Variants in HTR2A observed in about 807,000 individuals in gnomAD.
The protein encoded by HTR2A is 5-HT2 receptor.
A neutral mutation model predicts 31.0 loss-of-function variants in HTR2A; 14 were observed. The observed-to-expected ratio is 0.45, with a 90% confidence interval of 0.30 to 0.71. HTR2A has a LOEUF of 0.71. Ranked by LOEUF, HTR2A falls within the 30% of genes least tolerant of loss-of-function variation. The pLI, the probability that HTR2A is intolerant of heterozygous loss-of-function variation, is 0.09. For synonymous variants in HTR2A, 209 were observed against 225.2 expected (o/e 0.93, Z 0.64); for missense variants, 442 against 573.3 (o/e 0.77, Z 2.34).
chr13:46,845,036 G>A (rs1301917383), intron 3 of HTR2A, among the ~76,000 whole-genome samples: 1 of 151,682 alleles, frequency 6.6e-6, no homozygotes, highest in African/African-American at 2.4e-5. Flanking sequence ...TTTTTATTAT[G>A]GAAAATTTTA....
At chr13:46,854,352 T>C (rs1048944490) in intron 3 of HTR2A, 1 of 152,226 alleles carries the variant, frequency 6.6e-6, no homozygotes, top group Non-Finnish European at 1.5e-5. Flanking sequence ...TAAGCAGCAT[T>C]ACAAATAGCA....
At chr13:46,852,945 G>C (rs1950699316) in intron 3 of HTR2A, among the ~76,000 whole-genome samples, 1 of 150,536 alleles carries the variant, frequency 6.6e-6, no homozygotes, top group Non-Finnish European at 1.5e-5. Flanking sequence ...CTTAGGTCTT[G>C]TCTGTCCTAT....
intron 3 of HTR2A, among the ~76,000 whole-genome samples, chr13:46,887,832 C>T (rs1308574351): frequency 6.7e-6 from 1 of 149,984 alleles, no homozygotes; most frequent in Non-Finnish European, 1.5e-5. Flanking sequence ...TTTAACACTG[C>T]ATGTTCTCAC....
intron 3 of HTR2A, among the ~76,000 whole-genome samples, chr13:46,891,353 T>A (rs1165516361): frequency 6.6e-6 from 1 of 152,268 alleles, no homozygotes; most frequent in African/African-American, 2.4e-5. Flanking sequence ...CAGCTCATTT[T>A]GCTTTTTGAA....
At chr13:46,840,070 T>C (rs892918010) in intron 3 of HTR2A, among the ~76,000 whole-genome samples, 17 of 152,182 alleles carry the variant, frequency 1.1e-4, no homozygotes, top group Admixed American at 2.6e-4. Flanking sequence ...TCGGGGCTCT[T>C]GTGAAAAAGA....
chr13:46,849,838 C>A (rs182700895), intron 3 of HTR2A, among the ~76,000 whole-genome samples: 1 of 152,264 alleles, frequency 6.6e-6, no homozygotes, highest in African/African-American at 2.4e-5. Flanking sequence ...TCTCTGTTTA[C>A]GTGAATGTGA....
chr13:46,869,294 A>T (rs1950845724), intron 3 of HTR2A, among the ~76,000 whole-genome samples: 1 of 152,190 alleles, frequency 6.6e-6, no homozygotes, highest in Non-Finnish European at 1.5e-5. Context: ...GGATTTCTTC[A>T]AAGAAGACAT....
At chr13:46,896,478 C>A (rs556840718) in intron 1 of HTR2A, among the ~76,000 whole-genome samples, 196 bp downstream of exon 1, 12 of 152,314 alleles carry the variant, frequency 7.9e-5, no homozygotes, top group African/African-American at 2.9e-4. Flanking sequence ...TGAATTGCCA[C>A]AGCTGCTGTC....
chr13:46,893,481 A>G (rs1426871821), intron 2 of HTR2A, among the ~76,000 whole-genome samples: 2 of 152,202 alleles, frequency 1.3e-5, no homozygotes, highest in Non-Finnish European at 2.9e-5. Flanking sequence ...CTGGCTGCAC[A>G]TCAGTATCAG....
At chr13:46,867,541 A>G (rs1356663807) in intron 3 of HTR2A, among the ~76,000 whole-genome samples, 1 of 152,220 alleles carries the variant, frequency 6.6e-6, no homozygotes, top group Non-Finnish European at 1.5e-5. Context: ...CTGAGTTGCT[A>G]ATTTCTCCAG....
intron 3 of HTR2A, among the ~76,000 whole-genome samples, chr13:46,836,510 G>T (rs1876457628): frequency 6.6e-6 from 1 of 151,892 alleles, no homozygotes; most frequent in Non-Finnish European, 1.5e-5. Context: ...AAATATTTTT[G>T]AGAAATACAA....
rs1434173445 is a variant in HTR2A at position 46,831,851 on chromosome 13, A to G, written c.*2986T>C. 2 of 152,218 alleles carry G rather than the reference A, an allele frequency of 1.3e-5. No homozygotes were observed. The highest frequency in any genetic ancestry group is 3.8e-4 in the East Asian group (2 of 5,196). The allele number at this position is 152,218 out of a possible 1,614,324, so 9.4% of individuals were successfully genotyped here. On this transcript the variant is annotated 3_prime_UTR_variant, in exon 4 of 4. Coordinates refer to ENST00000542664, the MANE Select transcript of HTR2A (RefSeq NM_000621.5). The stretch of plus-strand genomic sequence containing the variant: ...CAGTTTTCCCTAATTATGGCAGTTA[A>G]TTGCTTTTTTTTGAATATAGAGGAA...
At chr13:46,854,934 T>C in intron 3 of HTR2A, among the ~76,000 whole-genome samples, 1 of 152,174 alleles carries the variant, frequency 6.6e-6, no homozygotes, top group Non-Finnish European at 1.5e-5. Flanking sequence ...CCTAATCCAC[T>C]ACGACTGAAC....
In HTR2A at chr13:46,834,726, C is replaced by T. The variant is rs200127940; in HGVS notation, c.*111G>A. On this transcript the variant is annotated 3_prime_UTR_variant, in exon 4 of 4. Coordinates refer to ENST00000542664, the MANE Select transcript of HTR2A (RefSeq NM_000621.5). ...ATAAAATGAGGCATACAGATATGAT[C>T]GTTGGTTCCACTAGACTTGTCTAAT... The T allele has an allele frequency of 3.8e-5, 29 of 765,744 alleles. No homozygotes were observed. In the East Asian group the frequency reaches 4.9e-4, roughly 13 times the overall value. The allele number at this position is 765,744 out of a possible 1,614,324, so 47.4% of individuals were successfully genotyped here. A position where few individuals can be genotyped will look rare whatever the true frequency, so the allele number is the denominator to read the frequency against.
chr13:46,887,331 G>T (rs1323203699), intron 3 of HTR2A, among the ~76,000 whole-genome samples: 7 of 150,568 alleles, frequency 4.6e-5, no homozygotes, highest in Non-Finnish European at 7.4e-5. Context: ...GCTGAGGCAG[G>T]AGAATGGCGT....
chr13:46,843,112 C>T (rs929982936), intron 3 of HTR2A, among the ~76,000 whole-genome samples: 2 of 152,264 alleles, frequency 1.3e-5, no homozygotes, highest in South Asian at 4.1e-4. Context: ...GTAGCCATTT[C>T]AGCAGATCAA....
intron 3 of HTR2A, among the ~76,000 whole-genome samples, chr13:46,844,153 C>G (rs893677024): frequency 7.9e-5 from 12 of 152,168 alleles, no homozygotes; most frequent in African/African-American, 2.9e-4. Context: ...ATGACAATCT[C>G]ATTAATAGCA....
chr13:46,874,488 G>A (rs1364539430), intron 3 of HTR2A, among the ~76,000 whole-genome samples: 5 of 152,076 alleles, frequency 3.3e-5, no homozygotes, highest in Non-Finnish European at 7.3e-5. Flanking sequence ...ATATAATTGA[G>A]TTCCTATTTA....
Position 46,832,811 on chromosome 13 carries a change from G to C in HTR2A, c.*2026C>G, listed in dbSNP as rs1876294647. The C allele has an allele frequency of 6.6e-6, 1 of 152,040 alleles. No homozygotes were observed. Among genetic ancestry groups the C allele is most frequent in the African/African-American group, 2.4e-5 (1 of 41,402 alleles). 9.4% of individuals were successfully genotyped at this position (152,040 alleles called of 1,614,324 possible). A position where few individuals can be genotyped will look rare whatever the true frequency, so the allele number is the denominator to read the frequency against. On this transcript the variant is annotated 3_prime_UTR_variant, in exon 4 of 4. Transcript: ENST00000542664. ...CCCACATTCTTTAGTTTTCAAATCT[G>C]TATTTTTTTCCCAAAGGTTTAGGGC...
Sources: gnomAD v4.1 joint callset for allele counts (sites outside exome capture counted in the v4.1 genomes callset) on GRCh38, gnomAD v4.1.1 for gene constraint, MANE v1.5 for transcripts, NCBI Gene and HGNC (gene_info 2026-07-23, HGNC 2026-07-21) for gene names.